The following ADAMTS6 variants were observed in gnomAD, a reference collection of about 807,000 sequenced individuals.
ADAMTS6 encodes A disintegrin and metalloproteinase with thrombospondin motifs 6.
A neutral mutation model predicts 144.3 loss-of-function variants in ADAMTS6; 23 were observed. The observed-to-expected ratio is 0.16, with a 90% confidence interval of 0.11 to 0.23. The LOEUF (loss-of-function observed/expected upper bound fraction) is 0.23, where lower values mean the gene tolerates loss of function less well. Ranked by LOEUF, ADAMTS6 falls within the 10% of genes least tolerant of loss-of-function variation. The probability of loss-of-function intolerance (pLI) is 1.00; values close to 1 mark genes in which losing one functional copy is unlikely to be tolerated. For synonymous variants in ADAMTS6, 444 were observed against 457.5 expected (o/e 0.97, Z 0.38); for missense variants, 999 against 1,379.6 (o/e 0.72, Z 4.37).
intron 20 of ADAMTS6, among the ~76,000 whole-genome samples, chr5:65,212,271 T>C (rs570443081): frequency 6.6e-6 from 1 of 152,166 alleles, no homozygotes; most frequent in South Asian, 2.1e-4. Context: ...AAGAAGGCAA[T>C]AGCCTCAAGA....
At chr5:65,457,379 C>T (rs1759291898) in intron 4 of ADAMTS6, among the ~76,000 whole-genome samples, 2 of 152,098 alleles carry the variant, frequency 1.3e-5, no homozygotes, top group Admixed American at 6.6e-5. Flanking sequence ...AAATGGAACA[C>T]TTTAGGAAAT....
intron 15 of ADAMTS6, among the ~76,000 whole-genome samples, chr5:65,238,785 T>C (rs1292294836): frequency 2.0e-5 from 3 of 152,042 alleles, no homozygotes; most frequent in African/African-American, 7.2e-5. Context: ...TGGGAGAAAT[T>C]AAAGACATAA....
chr5:65,411,705 G>A (rs1755069362), intron 7 of ADAMTS6, among the ~76,000 whole-genome samples: 1 of 152,152 alleles, frequency 6.6e-6, no homozygotes, highest in East Asian at 1.9e-4. Flanking sequence ...TGTATAAAGG[G>A]AAGGAGGAAG....
intron 7 of ADAMTS6, among the ~76,000 whole-genome samples, chr5:65,422,314 A>G (rs915399521): frequency 6.6e-5 from 10 of 152,218 alleles, no homozygotes; most frequent in Non-Finnish European, 1.5e-4. Flanking sequence ...AAGAAACAAT[A>G]GAGGTTGGTG....
intron 11 of ADAMTS6, among the ~76,000 whole-genome samples, chr5:65,284,403 T>C (rs890234878): frequency 6.6e-6 from 1 of 152,066 alleles, no homozygotes; most frequent in Non-Finnish European, 1.5e-5. Flanking sequence ...CCCCATATTT[T>C]TATTCAAGGC....
chr5:65,310,456 G>T (rs1744386078), intron 9 of ADAMTS6, among the ~76,000 whole-genome samples: 1 of 152,152 alleles, frequency 6.6e-6, no homozygotes, highest in Admixed American at 6.5e-5. Flanking sequence ...AGCCCAGGAG[G>T]TTGAGGCGAA....
At chr5:65,186,398 T>C (rs1331703692) in intron 22 of ADAMTS6, among the ~76,000 whole-genome samples, 1 of 152,230 alleles carries the variant, frequency 6.6e-6, no homozygotes, top group Non-Finnish European at 1.5e-5. Context: ...CCCAAGCTTA[T>C]GGGATTCTTT....
At chr5:65,470,012 A>G (rs554919450) in intron 3 of ADAMTS6, among the ~76,000 whole-genome samples, 1 of 152,322 alleles carries the variant, frequency 6.6e-6, no homozygotes, top group Admixed American at 6.5e-5. Context: ...CTGTGTATTT[A>G]CCATTAGACT....
intron 7 of ADAMTS6, among the ~76,000 whole-genome samples, chr5:65,384,830 TA>T (rs1752356089): frequency 6.6e-6 from 1 of 152,246 alleles, no homozygotes; most frequent in Admixed American, 6.5e-5. Context: ...TTAAGCTTGC[TA>T]CAGCAAAATA....
At chr5:65,377,589 C>T (rs907095752) in intron 7 of ADAMTS6, among the ~76,000 whole-genome samples, 1 of 152,144 alleles carries the variant, frequency 6.6e-6, no homozygotes, top group Non-Finnish European at 1.5e-5. Context: ...AATGTTAACA[C>T]ATTGTTCACT....
At chr5:65,462,268 AG>A (rs763791400) in intron 3 of ADAMTS6, among the ~76,000 whole-genome samples, 35 of 152,202 alleles carry the variant, frequency 2.3e-4, no homozygotes, top group Admixed American at 4.6e-4. Flanking sequence ...GTAGGAAGCA[AG>A]GTCTAGGCTA....
At chr5:65,415,130 G>A (rs958561849) in intron 7 of ADAMTS6, among the ~76,000 whole-genome samples, 5 of 152,060 alleles carry the variant, frequency 3.3e-5, no homozygotes, top group Non-Finnish European at 7.4e-5. Context: ...TATTACAAGT[G>A]AACAATAAAA....
At chr5:65,310,423 G>A (rs1744381905) in intron 9 of ADAMTS6, among the ~76,000 whole-genome samples, 1 of 152,154 alleles carries the variant, frequency 6.6e-6, no homozygotes, top group Non-Finnish European at 1.5e-5. Flanking sequence ...CTACATGGGA[G>A]GCTGAGGCAG....
At chr5:65,398,781 C>CGAGA (rs1156386169) in intron 7 of ADAMTS6, among the ~76,000 whole-genome samples, 8,308 of 106,956 alleles carry the variant, frequency 0.078, 785 homozygotes, top group South Asian at 0.11. Context: ...GAAGAGAGAG[C>CGAGA]AAGAAAGAAA....
intron 18 of ADAMTS6, among the ~76,000 whole-genome samples, chr5:65,222,381 T>C (rs1397480733): frequency 6.6e-6 from 1 of 152,212 alleles, no homozygotes. Flanking sequence ...TTTCAACAAG[T>C]AGTGTTAGAG....
chr5:65,151,996 T>C (rs766486269), intron 24 of ADAMTS6, 51 bp from the exon 25 acceptor site: 1 of 1,491,444 alleles, frequency 6.7e-7, no homozygotes, highest in Non-Finnish European at 9.2e-7. Flanking sequence ...CATAAACAAG[T>C]ACATAAACAA....
At chr5:65,245,107 A>T (rs1451192822) in intron 14 of ADAMTS6, among the ~76,000 whole-genome samples, 1 of 152,144 alleles carries the variant, frequency 6.6e-6, no homozygotes, top group East Asian at 1.9e-4. Flanking sequence ...ATATTCACAC[A>T]AACTGTTTAG....
chr5:65,235,396 A>G (rs920653633), intron 15 of ADAMTS6, among the ~76,000 whole-genome samples: 9 of 152,166 alleles, frequency 5.9e-5, no homozygotes, highest in African/African-American at 1.7e-4. Flanking sequence ...GGCTGTTGTG[A>G]TGGTTAATAC....
intron 20 of ADAMTS6, among the ~76,000 whole-genome samples, chr5:65,204,308 T>C (rs1338784279): frequency 2.0e-5 from 3 of 152,194 alleles, no homozygotes; most frequent in East Asian, 1.9e-4. Flanking sequence ...AAAATTATTA[T>C]AGATAAATAA....
Sources: gnomAD v4.1 joint callset for allele counts (sites outside exome capture counted in the v4.1 genomes callset) on GRCh38, gnomAD v4.1.1 for gene constraint, MANE v1.5 for transcripts, NCBI Gene and HGNC (gene_info 2026-07-23, HGNC 2026-07-21) for gene names.